The following CLCA2 variants were observed in gnomAD, a reference collection of about 807,000 sequenced individuals.
CLCA2 encodes the protein calcium-activated chloride channel regulator 2.
In CLCA2, 85 loss-of-function variants were observed where a neutral mutation model predicts 82.9. The observed-to-expected ratio is 1.03, with a 90% confidence interval of 0.86 to 1.23. The LOEUF (loss-of-function observed/expected upper bound fraction) is 1.23, where lower values mean the gene tolerates loss of function less well. Among genes scored for constraint, CLCA2 ranks in the 50% most tolerant of loss-of-function variants. CLCA2 has a pLI of 0.00. For synonymous variants in CLCA2, 421 were observed against 391.7 expected, an observed-to-expected ratio of 1.07 and a Z score of -0.88; for missense variants, 1,089 against 1,124.8, an observed-to-expected ratio of 0.97 and a Z score of 0.45.
chr1:86,454,589 C>T (rs1663033684), intron 13 of CLCA2, among the ~76,000 whole-genome samples: 1 of 152,046 alleles, frequency 6.6e-6, no homozygotes, highest in African/African-American at 2.4e-5. Flanking sequence ...GTCAGGAGTT[C>T]GAGACCAGCC....
Position 86,438,968 on chromosome 1 carries a change from C to T in CLCA2, c.1065C>T (p.Asp355=). The T allele has an allele frequency of 6.2e-7, 1 of 1,614,080 alleles. No individual in the cohort carries two copies. Among genetic ancestry groups the T allele is most frequent in the Non-Finnish European group, 8.5e-7 (1 of 1,179,996 alleles). ...CCTTCGTGGGCATTGCCAGTTTCGA[C>T]AGCAAAGGAGAGATCAGAGCCCAGC... ...IHTFVGIASF[D]SKGEIRAQLH... is the part of the protein sequence containing the mutation. The change falls in exon 7 of 14, where the codon GAC becomes GAT. Residue 355 remains aspartate (D), a synonymous_variant. Coordinates refer to ENST00000370565, the MANE Select transcript of CLCA2 (RefSeq NM_006536.7).
At chr1:86,435,334 T>C (rs956357285) in intron 6 of CLCA2, among the ~76,000 whole-genome samples, 1 of 152,226 alleles carries the variant, frequency 6.6e-6, no homozygotes, top group Admixed American at 6.5e-5. Flanking sequence ...TTACCTATAA[T>C]GATCGAAAAT....
intron 8 of CLCA2, 125 bp from the exon 9 acceptor site, chr1:86,441,312 C>T (rs1662731956): frequency 1.7e-6 from 1 of 593,544 alleles, no homozygotes; most frequent in Admixed American, 3.0e-5. Flanking sequence ...GCAAGTCAAG[C>T]ACAGCTCCCA....
intron 7 of CLCA2, 69 bp downstream of exon 7, chr1:86,439,175 C>G: frequency 7.0e-7 from 1 of 1,424,850 alleles, no homozygotes; most frequent in Non-Finnish European, 9.8e-7. Flanking sequence ...TACGAGGTTT[C>G]CTCTGATGAT....
intron 9 of CLCA2, 45 bp downstream of exon 9, chr1:86,441,588 G>A (rs1321286365): frequency 7.7e-7 from 1 of 1,304,450 alleles, no homozygotes; most frequent in South Asian, 1.2e-5. Context: ...GGAGTGGGAA[G>A]GGAGAAGGAA....
chr1:86,446,567 AC>A (rs752434887), intron 10 of CLCA2, among the ~76,000 whole-genome samples: 7 of 152,216 alleles, frequency 4.6e-5, no homozygotes, highest in African/African-American at 1.7e-4. Context: ...AAACAAAAAA[AC>A]ATAGTCCTTG....
intron 10 of CLCA2, 23 bp from the exon 11 acceptor site, chr1:86,447,485 A>G (rs747809655): frequency 1.5e-5 from 24 of 1,595,230 alleles, no homozygotes; most frequent in Non-Finnish European, 2.0e-5. Flanking sequence ...ACACTTTCCA[A>G]AACAATAAGA....
intron 10 of CLCA2, 101 bp from the exon 11 acceptor site, chr1:86,447,407 A>G: frequency 7.6e-7 from 1 of 1,309,278 alleles, no homozygotes; most frequent in Middle Eastern, 1.9e-4. Context: ...TGCAACATCA[A>G]CAAAACAAGA....
At position 86,435,418 on chromosome 1, in the gene CLCA2, CTG is replaced by C. The variant is rs529250049; in HGVS notation, c.972+676_972+677del. ...AAATATCCCTGGTTGAGGAAGTAAACTGTGAATTTGCAGTGAAAGTGAATGTC... is the reference window on the plus strand; with the variant it reads ...AAATATCCCTGGTTGAGGAAGTAAACTGAATTTGCAGTGAAAGTGAATGTC... On this transcript the variant is annotated intron_variant, in intron 6 of 13. Transcript: ENST00000370565. Among the ~76,000 whole-genome samples the C allele has an allele frequency of 1.4e-4, 22 of 152,302 alleles. No individual in the cohort carries two copies. The East Asian group carries it at 3.3e-3, about 23-fold the overall frequency.
At chr1:86,440,466 T>G in intron 8 of CLCA2, 141 bp downstream of exon 8, 1 of 808,594 alleles carries the variant, frequency 1.2e-6, no homozygotes, top group Non-Finnish European at 1.9e-6. Context: ...ATTGCTAGAA[T>G]CTGTCAAAAT....
At chr1:86,449,854 G>C (rs984495563) in intron 11 of CLCA2, among the ~76,000 whole-genome samples, 4 of 152,172 alleles carry the variant, frequency 2.6e-5, no homozygotes, top group African/African-American at 9.7e-5. Flanking sequence ...CTGCCATTGA[G>C]TCATGATTTT....
Position 86,455,590 on chromosome 1 carries a change from T to C in CLCA2, c.*63T>C. On this transcript the variant is annotated 3_prime_UTR_variant, in exon 14 of 14. Coordinates refer to ENST00000370565, the MANE Select transcript of CLCA2 (RefSeq NM_006536.7). ...CCCATGGCCTTCGACTACAAAAACA[T>C]ACTAACAAAGTCAAATTAACATCAA... 1 of 1,089,570 alleles carries C rather than the reference T, an allele frequency of 9.2e-7. No homozygotes were observed. Among genetic ancestry groups the C allele is most frequent in the South Asian group, 2.6e-5 (1 of 38,548 alleles). 67.5% of individuals were successfully genotyped at this position (1,089,570 alleles called of 1,614,324 possible).
chr1:86,442,741 C>T (rs1662760071), intron 9 of CLCA2, among the ~76,000 whole-genome samples: 1 of 152,220 alleles, frequency 6.6e-6, no homozygotes, highest in South Asian at 2.1e-4. Flanking sequence ...TATTTAGAGA[C>T]TTGTATCCAT....
Position 86,441,559 on chromosome 1 carries a change from A to G in CLCA2, c.1488+16A>G, listed in dbSNP as rs1045108119. The stretch of plus-strand genomic sequence containing the variant: ...ACATATTCAGGTCAGAATTTTCTCA[A>G]TGTTATATTTCCAGGTGGGGAGTGG... On this transcript the variant is annotated intron_variant, in intron 9 of 13. Transcript: ENST00000370565. 8 of 1,542,812 alleles carry G rather than the reference A, an allele frequency of 5.2e-6. No homozygotes were observed. In the African/African-American group the frequency reaches 9.5e-5, roughly 18 times the overall value.
chr1:86,430,806 C>A, intron 3 of CLCA2, 56 bp from the exon 4 acceptor site: 1 of 1,293,236 alleles, frequency 7.7e-7, no homozygotes, highest in Non-Finnish European at 1.1e-6. Context: ...CACTAGTTAG[C>A]AAGGCACATT....
At position 86,453,495 on chromosome 1, in the gene CLCA2, C is replaced by T. The variant is rs1185160172; in HGVS notation, c.2282C>T (p.Pro761Leu). 6.2e-7 allele frequency: 1 copy of T among 1,614,162 alleles called. No homozygotes were observed. Among genetic ancestry groups the T allele is most frequent in the East Asian group, 2.2e-5 (1 of 44,864 alleles). The change falls in exon 13 of 14, where the codon CCT becomes CTT. Residue 761 changes from proline to leucine, a missense_variant. Coordinates refer to ENST00000370565, the MANE Select transcript of CLCA2 (RefSeq NM_006536.7). Reference protein sequence around the residue: ...SVLGVPAGPHPDVFPPCKIID... With the variant: ...SVLGVPAGPHLDVFPPCKIID... Reference sequence around the variant, plus strand: ...CTGGGAGTTCCAGCTGGCCCCCACCCTGATGTGTTTCCACCATGCAAAATT... The same window carrying T: ...CTGGGAGTTCCAGCTGGCCCCCACCTTGATGTGTTTCCACCATGCAAAATT...
chr1:86,438,720 C>T (rs1251460382), intron 6 of CLCA2, among the ~76,000 whole-genome samples, 156 bp from the exon 7 acceptor site: 1 of 152,174 alleles, frequency 6.6e-6, no homozygotes, highest in African/African-American at 2.4e-5. Context: ...ATTAATCAAA[C>T]AATATTCTAA....
intron 12 of CLCA2, among the ~76,000 whole-genome samples, chr1:86,453,160 A>G (rs1225937995): frequency 1.3e-5 from 2 of 152,158 alleles, no homozygotes; most frequent in African/African-American, 4.8e-5. Context: ...ACAGCAGAGT[A>G]AGACTCTGTC....
At position 86,455,690 on chromosome 1, in the gene CLCA2, T is replaced by C. The variant is rs1049018500; in HGVS notation, c.*163T>C. 4.9e-6 allele frequency: 2 copies of C among 409,220 alleles called. No individual in the cohort carries two copies. Among genetic ancestry groups the C allele is most frequent in the East Asian group, 3.7e-5 (1 of 26,968 alleles). 25.3% of individuals were successfully genotyped at this position (409,220 alleles called of 1,614,324 possible). A position where few individuals can be genotyped will look rare whatever the true frequency, so the allele number is the denominator to read the frequency against. ...ACATGGTAGATCAACAAATTCTTTT[T>C]GGGGGTAGATTAGAAAACCCTTACA... On this transcript the variant is annotated 3_prime_UTR_variant, in exon 14 of 14. Coordinates refer to ENST00000370565, the MANE Select transcript of CLCA2 (RefSeq NM_006536.7).
Sources: allele counts gnomAD v4.1 joint callset (sites outside exome capture counted in the v4.1 genomes callset), GRCh38; gene constraint gnomAD v4.1.1; transcripts MANE v1.5; gene names NCBI Gene and HGNC (gene_info 2026-07-23, HGNC 2026-07-21).